Variants in CNTNAP2 observed in about 807,000 individuals in gnomAD.
The protein encoded by CNTNAP2 is contactin associated protein 2.
Under a neutral mutation model 155.2 loss-of-function variants are expected in CNTNAP2, and 98 were observed. That is an observed-to-expected ratio of 0.63 (90% confidence interval 0.54 to 0.75). The LOEUF (loss-of-function observed/expected upper bound fraction) is 0.75. CNTNAP2 is among the 30% of genes least tolerant of loss of function. The pLI is 0.00. For synonymous variants in CNTNAP2, 651 were observed against 631.2 expected (o/e 1.03, Z -0.47); for missense variants, 1,727 against 1,688.1 (o/e 1.02, Z -0.40).
intron 18 of CNTNAP2, among the ~76,000 whole-genome samples, chr7:148,210,069 T>C (rs1795517398): frequency 6.6e-6 from 1 of 152,214 alleles, no homozygotes; most frequent in Non-Finnish European, 1.5e-5. Context: ...TTATTACATA[T>C]TTGAAAGAAT....
chr7:148,123,718 A>G (rs1348447005), intron 16 of CNTNAP2, among the ~76,000 whole-genome samples: 43 of 147,242 alleles, frequency 2.9e-4, no homozygotes, highest in African/African-American at 1.0e-3. Context: ...CAGAGAAAGA[A>G]AGAAAAGAAA....
At chr7:148,415,324 G>C in intron 23 of CNTNAP2, 93 bp from the exon 24 acceptor site, 1 of 1,257,458 alleles carries the variant, frequency 8.0e-7, no homozygotes, top group Non-Finnish European at 1.1e-6. Context: ...ATGGGAGAGG[G>C]CTGTGTCTGA....
intron 1 of CNTNAP2, among the ~76,000 whole-genome samples, chr7:146,570,334 C>G (rs556766090): frequency 6.6e-6 from 1 of 152,108 alleles, no homozygotes; most frequent in Non-Finnish European, 1.5e-5. Context: ...CATTTTTGAA[C>G]GGTCTGTTTT....
chr7:148,039,778 C>A (rs1417314030), intron 15 of CNTNAP2, among the ~76,000 whole-genome samples: 1 of 152,168 alleles, frequency 6.6e-6, no homozygotes, highest in South Asian at 2.1e-4. Flanking sequence ...ATACAAGAAC[C>A]CTCTGCTTTC....
intron 1 of CNTNAP2, among the ~76,000 whole-genome samples, chr7:146,142,171 C>A (rs1368162341): frequency 6.6e-6 from 1 of 152,164 alleles, no homozygotes; most frequent in Non-Finnish European, 1.5e-5. Flanking sequence ...AGGCCTGCTG[C>A]TAGATGATAA....
intron 3 of CNTNAP2, among the ~76,000 whole-genome samples, chr7:146,949,305 G>A (rs1442522232): frequency 6.6e-6 from 1 of 152,118 alleles, no homozygotes; most frequent in South Asian, 2.1e-4. Context: ...TCCCCTATAC[G>A]GAAACAGACC....
intron 14 of CNTNAP2, among the ~76,000 whole-genome samples, chr7:147,921,263 T>C (rs1800275600): frequency 6.6e-6 from 1 of 152,252 alleles, no homozygotes; most frequent in Non-Finnish European, 1.5e-5. Context: ...GCCATTTGCC[T>C]GCTGTCCACA....
At chr7:147,244,184 C>A (rs1804003415) in intron 8 of CNTNAP2, among the ~76,000 whole-genome samples, 3 of 152,074 alleles carry the variant, frequency 2.0e-5, no homozygotes, top group Admixed American at 2.0e-4. Flanking sequence ...AGACCTATTT[C>A]AAATATACAA....
At chr7:148,310,625 A>AT (rs1797579314) in intron 21 of CNTNAP2, among the ~76,000 whole-genome samples, 2 of 152,094 alleles carry the variant, frequency 1.3e-5, no homozygotes, top group South Asian at 4.1e-4. Flanking sequence ...CTATTTGCAA[A>AT]TTGAATTTTG....
intron 1 of CNTNAP2, among the ~76,000 whole-genome samples, chr7:146,386,460 C>G (rs1015038116): frequency 6.6e-6 from 1 of 152,194 alleles, no homozygotes; most frequent in African/African-American, 2.4e-5. Flanking sequence ...ATGATCTTGG[C>G]TCACTGAAAC....
chr7:146,675,249 G>A (rs572615839), intron 1 of CNTNAP2, among the ~76,000 whole-genome samples: 43 of 152,166 alleles, frequency 2.8e-4, no homozygotes, highest in Non-Finnish European at 4.7e-4. Flanking sequence ...GCCTTCTCCC[G>A]CTGTTTTTTC....
chr7:147,184,961 T>C (rs1315628885), intron 8 of CNTNAP2, among the ~76,000 whole-genome samples: 1 of 152,176 alleles, frequency 6.6e-6, no homozygotes, highest in African/African-American at 2.4e-5. Context: ...ATGCCAGCCA[T>C]GTAAATACTG....
intron 1 of CNTNAP2, among the ~76,000 whole-genome samples, chr7:146,303,222 C>T (rs2129088777): frequency 6.6e-6 from 1 of 151,988 alleles, no homozygotes; most frequent in Admixed American, 6.6e-5. Flanking sequence ...GGAAATGACA[C>T]TTAGGCATAG....
At position 148,086,563 on chromosome 7, in the gene CNTNAP2, A is replaced by C. The variant is rs75866837; in HGVS notation, c.2384-31555A>C. 3.3e-3 allele frequency among the ~76,000 whole-genome samples: 496 copies of C among 152,364 alleles called. 2 individuals are homozygous for C. The highest frequency in any genetic ancestry group is 0.011 in the African/African-American group (462 of 41,590). ...CAAAGGTAATCAGTATTTTTAGATT[A>C]AAATCAGTTATAAATGTGCTAATAT... On this transcript the variant is annotated intron_variant, in intron 15 of 23. Transcript: ENST00000361727.
At chr7:147,772,483 T>C (rs61633795) in intron 13 of CNTNAP2, among the ~76,000 whole-genome samples, 2,398 of 90,174 alleles carry the variant, frequency 0.027, 128 homozygotes, top group African/African-American at 0.11. Flanking sequence ...TATATATATA[T>C]ACACACACAA....
intron 9 of CNTNAP2, among the ~76,000 whole-genome samples, chr7:147,386,562 C>A (rs1027471860): frequency 1.3e-5 from 2 of 152,182 alleles, no homozygotes; most frequent in South Asian, 4.1e-4. Flanking sequence ...TAAAACATAA[C>A]AAGAGTCACC....
intron 1 of CNTNAP2, among the ~76,000 whole-genome samples, chr7:146,734,888 C>T (rs140588033): frequency 3.6e-4 from 55 of 152,196 alleles, no homozygotes; most frequent in African/African-American, 1.3e-3. Flanking sequence ...TTGAGTAATG[C>T]TGTTATCTTT....
chr7:146,483,328 T>TATATATATATATAC, intron 1 of CNTNAP2, among the ~76,000 whole-genome samples: 1 of 81,540 alleles, frequency 1.2e-5, no homozygotes, highest in African/African-American at 6.5e-5. Flanking sequence ...TATATATATA[T>TATATATATATATAC]ACATATATAT....
chr7:147,700,639 G>A (rs190318677), intron 13 of CNTNAP2, among the ~76,000 whole-genome samples: 1 of 152,276 alleles, frequency 6.6e-6, no homozygotes, highest in East Asian at 1.9e-4. Context: ...CAAGTAAAGT[G>A]ATTGAAACTT....
Sources: allele counts gnomAD v4.1 joint callset (sites outside exome capture counted in the v4.1 genomes callset), GRCh38; gene constraint gnomAD v4.1.1; transcripts MANE v1.5; gene names NCBI Gene and HGNC (gene_info 2026-07-23, HGNC 2026-07-21).